The following SPAG16 variants were observed in gnomAD, a reference collection of about 807,000 sequenced individuals.
SPAG16 encodes the protein sperm associated antigen 16, also known as sperm-associated antigen 16 protein.
A neutral mutation model predicts 80.4 loss-of-function variants in SPAG16; 86 were observed. That is an observed-to-expected ratio of 1.07 (90% CI 0.90 to 1.28). SPAG16 has a LOEUF of 1.28. Among genes scored for constraint, SPAG16 ranks in the 50% most tolerant of loss-of-function variants. The pLI is 0.00. For synonymous variants in SPAG16, 294 were observed against 265.9 expected (o/e 1.11, Z -1.03); for missense variants, 870 against 765.3 (o/e 1.14, Z -1.61).
intron 15 of SPAG16, among the ~76,000 whole-genome samples, chr2:214,349,974 G>A (rs1698293040): frequency 6.6e-6 from 1 of 152,086 alleles, no homozygotes; most frequent in African/African-American, 2.4e-5. Context: ...TATATGTGTA[G>A]TGCATATTTT....
chr2:213,795,120 T>C, intron 10 of SPAG16, among the ~76,000 whole-genome samples: 1 of 152,150 alleles, frequency 6.6e-6, no homozygotes, highest in Admixed American at 6.5e-5. Flanking sequence ...TTATAGATAA[T>C]TGAAAGTTCA....
intron 13 of SPAG16, among the ~76,000 whole-genome samples, chr2:214,060,215 C>T (rs1411874938): frequency 7.9e-5 from 12 of 152,156 alleles, no homozygotes; most frequent in Non-Finnish European, 1.5e-5. Flanking sequence ...CATCCTCCGG[C>T]TCTACCCAGA....
intron 13 of SPAG16, among the ~76,000 whole-genome samples, chr2:214,017,950 A>G (rs1363799951): frequency 1.3e-5 from 2 of 152,154 alleles, no homozygotes; most frequent in Non-Finnish European, 2.9e-5. Flanking sequence ...TATGATTCCT[A>G]AATGTATCAT....
Position 213,718,678 on chromosome 2 carries a change from G to C in SPAG16, c.1071-143807G>C, listed in dbSNP as rs894802889. Among the ~76,000 whole-genome samples, 3 of 152,190 alleles carry C rather than the reference G, an allele frequency of 2.0e-5. No homozygotes were observed. In the East Asian group the frequency reaches 5.8e-4, roughly 29 times the overall value. On this transcript the variant is annotated intron_variant, in intron 10 of 15. Coordinates refer to ENST00000331683, the MANE Select transcript of SPAG16 (RefSeq NM_024532.5). ...TGTACTGAGTCCCCCAGCAGTGCTG[G>C]CCCACCTGCGCTGTGCTCGATTTCT...
intron 15 of SPAG16, among the ~76,000 whole-genome samples, chr2:214,284,032 C>T (rs1471198861): frequency 6.6e-6 from 1 of 152,096 alleles, no homozygotes; most frequent in Non-Finnish European, 1.5e-5. Flanking sequence ...GATTTGAGAG[C>T]TTTTCAGTTA....
intron 10 of SPAG16, among the ~76,000 whole-genome samples, chr2:213,707,995 G>A (rs2065831188): frequency 6.6e-6 from 1 of 152,108 alleles, no homozygotes; most frequent in East Asian, 1.9e-4. Context: ...TATGACATAT[G>A]AGAGTCAGTG....
intron 15 of SPAG16, among the ~76,000 whole-genome samples, chr2:214,226,720 C>T (rs1576542112): frequency 6.6e-6 from 1 of 152,080 alleles, no homozygotes; most frequent in South Asian, 2.1e-4. Context: ...ACATTTTGGA[C>T]ACTTAAGTGA....
chr2:213,757,581 C>A (rs1408960336), intron 10 of SPAG16, among the ~76,000 whole-genome samples: 1 of 152,164 alleles, frequency 6.6e-6, no homozygotes, highest in Non-Finnish European at 1.5e-5. Flanking sequence ...TGATATATAA[C>A]TATTTTGGAT....
At chr2:214,209,901 T>C (rs2058245360) in intron 15 of SPAG16, among the ~76,000 whole-genome samples, 1 of 152,196 alleles carries the variant, frequency 6.6e-6, no homozygotes, top group African/African-American at 2.4e-5. Flanking sequence ...GGGAAGTTCC[T>C]AAGGCCATCT....
chr2:214,101,235 G>T (rs1053328456), intron 13 of SPAG16, among the ~76,000 whole-genome samples: 2 of 151,866 alleles, frequency 1.3e-5, no homozygotes, highest in Non-Finnish European at 2.9e-5. Context: ...TTATACATAG[G>T]GTTCACGGTC....
chr2:214,391,641 C>T lies in SPAG16; in HGVS notation c.1721-18499C>T, dbSNP rs1306003805. 3.3e-5 allele frequency among the ~76,000 whole-genome samples: 5 copies of T among 152,088 alleles called. 1 individual carries two copies. Among genetic ancestry groups the T allele is most frequent in the East Asian group, 1.9e-4 (1 of 5,182 alleles). On this transcript the variant is annotated intron_variant, in intron 15 of 15. Coordinates refer to ENST00000331683, the MANE Select transcript of SPAG16 (RefSeq NM_024532.5). ...TGTCAGTGGAAAACAGATCATGGAG[C>T]GGTAACTGACTTAACAGAGTGGGAG...
At chr2:214,405,393 T>C (rs916643848) in intron 15 of SPAG16, among the ~76,000 whole-genome samples, 1 of 152,208 alleles carries the variant, frequency 6.6e-6, no homozygotes, top group African/African-American at 2.4e-5. Flanking sequence ...TCTCAAAGCA[T>C]TGGGATTATA....
intron 15 of SPAG16, among the ~76,000 whole-genome samples, chr2:214,324,756 G>A (rs1280926310): frequency 6.6e-6 from 1 of 151,228 alleles, no homozygotes; most frequent in Non-Finnish European, 1.5e-5. Flanking sequence ...CTAACTCCAT[G>A]TTTCTCTTTA....
chr2:213,471,293 G>A (rs923162236), intron 9 of SPAG16, among the ~76,000 whole-genome samples: 6 of 152,162 alleles, frequency 3.9e-5, no homozygotes, highest in East Asian at 3.9e-4. Context: ...ACTTCCTCAA[G>A]TAACTTACTT....
chr2:213,326,296 C>T (rs953732981), intron 5 of SPAG16, among the ~76,000 whole-genome samples: 2 of 151,852 alleles, frequency 1.3e-5, no homozygotes, highest in African/African-American at 2.4e-5. Context: ...TACTAAGGGG[C>T]CTTTATTTCA....
chr2:214,223,122 T>C (rs2058619516), intron 15 of SPAG16, among the ~76,000 whole-genome samples: 1 of 151,924 alleles, frequency 6.6e-6, no homozygotes, highest in Non-Finnish European at 1.5e-5. Flanking sequence ...TTTCCATTAT[T>C]ATGAACTATT....
At chr2:213,976,035 A>T (rs1321661866) in intron 12 of SPAG16, among the ~76,000 whole-genome samples, 1 of 150,304 alleles carries the variant, frequency 6.7e-6, no homozygotes, top group East Asian at 2.0e-4. Context: ...TCTCCTCTTC[A>T]TACAGCTTCA....
At chr2:213,714,727 T>C (rs1331061265) in intron 10 of SPAG16, among the ~76,000 whole-genome samples, 4 of 152,148 alleles carry the variant, frequency 2.6e-5, no homozygotes, top group Non-Finnish European at 5.9e-5. Flanking sequence ...ACACTCTGCA[T>C]TTCATAGGGA....
chr2:213,935,326 T>C (rs921859898), intron 12 of SPAG16, among the ~76,000 whole-genome samples: 1 of 152,140 alleles, frequency 6.6e-6, no homozygotes, highest in Non-Finnish European at 1.5e-5. Context: ...TCAGGTGATA[T>C]GTTTTTCCCT....
Sources: allele counts gnomAD v4.1 joint callset (sites outside exome capture counted in the v4.1 genomes callset), GRCh38; gene constraint gnomAD v4.1.1; transcripts MANE v1.5; gene names NCBI Gene and HGNC (gene_info 2026-07-23, HGNC 2026-07-21).